The following SLC5A10 variants were observed in gnomAD, a reference collection of about 807,000 sequenced individuals.
SLC5A10 encodes the protein sodium/mannose cotransporter SLC5A10.
SLC5A10 carries 55 observed loss-of-function variants against 68.9 expected under a neutral mutation model. The observed-to-expected ratio is 0.80, with a 90% CI of 0.64 to 1.00. SLC5A10 has a LOEUF of 1.00. Among genes scored for constraint, SLC5A10 ranks in the 50% least tolerant of loss-of-function variants. SLC5A10 has a pLI of 0.00. For synonymous variants in SLC5A10, 344 were observed against 344.8 expected, an observed-to-expected ratio of 1.00 and a Z score of 0.02; for missense variants, 732 against 819.3, an observed-to-expected ratio of 0.89 and a Z score of 1.30.
At chr17:18,970,527 G>GACGC in intron 7 of SLC5A10, 1 of 173,188 alleles carries the variant, frequency 5.8e-6, no homozygotes, top group South Asian at 1.3e-4. Context: ...CCTCTTCTCT[G>GACGC]TGCCTCAGGG....
chr17:18,964,843 G>C (rs1409871635), intron 5 of SLC5A10, among the ~76,000 whole-genome samples: 2 of 152,174 alleles, frequency 1.3e-5, no homozygotes, highest in Non-Finnish European at 2.9e-5. Context: ...TTCCTGGAAT[G>C]GTAGAAATGC....
chr17:19,010,782 C>A (rs2043997181), intron 9 of SLC5A10, among the ~76,000 whole-genome samples: 1 of 152,184 alleles, frequency 6.6e-6, no homozygotes, highest in African/African-American at 2.4e-5. Flanking sequence ...ATCCTGGACC[C>A]CAGTGTCCTC....
intron 9 of SLC5A10, among the ~76,000 whole-genome samples, chr17:19,005,648 C>G (rs539842274): frequency 8.5e-5 from 11 of 129,134 alleles, no homozygotes; most frequent in African/African-American, 3.3e-4. Flanking sequence ...TGCCCTCAAA[C>G]CCCCCCCCTC....
In SLC5A10 at chr17:19,020,342, C is replaced by T; in HGVS notation, c.1702C>T (p.Gln568Ter). 1 of 1,614,192 alleles carries T rather than the reference C, an allele frequency of 6.2e-7. No individual in the cohort carries two copies. The highest frequency in any genetic ancestry group is 8.5e-7 in the Non-Finnish European group (1 of 1,180,036). The part of the protein sequence containing the change: ...GTKAGDGQTP[Q>*]KHAFWARVCG... Reference sequence around the variant, plus strand: ...CCCTCCAGGTGATGGCCAAACACCCCAGAAACACGCCTTCTGGGCCCGTGT... The same window carrying T: ...CCCTCCAGGTGATGGCCAAACACCCTAGAAACACGCCTTCTGGGCCCGTGT... Residue 568 changes from glutamine to a stop codon, truncating the protein, a stop_gained, in exon 15 of 15, where the codon CAG becomes TAG. Coordinates refer to ENST00000395645, the MANE Select transcript of SLC5A10 (RefSeq NM_001042450.4). LOFTEE classifies it high-confidence loss of function.
At chr17:19,005,796 T>C (rs1228717777) in intron 9 of SLC5A10, among the ~76,000 whole-genome samples, 1 of 152,180 alleles carries the variant, frequency 6.6e-6, no homozygotes, top group African/African-American at 2.4e-5. Flanking sequence ...TCCTACACTC[T>C]GCCATATAGC....
chr17:18,977,684 C>T, intron 9 of SLC5A10: 1 of 1,610,610 alleles, frequency 6.2e-7, no homozygotes, highest in Non-Finnish European at 8.5e-7. Context: ...ACCCTGGGGT[C>T]CAACAAAGGT....
chr17:19,018,795 AG>A lies in SLC5A10; in HGVS notation c.1242-626del, dbSNP rs1030163913. 2.0e-5 allele frequency: 3 copies of A among 152,328 alleles called. No individual in the cohort carries two copies. The highest frequency in any genetic ancestry group is 4.4e-5 in the Non-Finnish European group (3 of 68,124). The allele number at this position is 152,328 out of a possible 1,614,324, so 9.4% of individuals were successfully genotyped here. On this transcript the variant is annotated intron_variant, in intron 11 of 14. Transcript: ENST00000395645. The surrounding 1 kb of genome is among the most constrained non-coding windows in gnomAD (Gnocchi z 4.2). ...CCTTAGTAAGCAGGTTGCCCTGTGA[AG>A]GATGTGCAGCACAGGGCTGTCGGGG...
intron 9 of SLC5A10, among the ~76,000 whole-genome samples, chr17:18,991,615 C>T (rs1421722711): frequency 6.6e-6 from 1 of 152,218 alleles, no homozygotes; most frequent in African/African-American, 2.4e-5. Context: ...TTGTTCCGCT[C>T]CTGAGGCAGG....
intron 9 of SLC5A10, among the ~76,000 whole-genome samples, chr17:18,997,530 C>T (rs1248585988): frequency 6.6e-6 from 1 of 152,232 alleles, no homozygotes; most frequent in African/African-American, 2.4e-5. Flanking sequence ...GATTCAAAAG[C>T]CTTTAAAACC....
chr17:19,003,731 G>C lies in SLC5A10; in HGVS notation c.983-9679G>C, dbSNP rs1166072864. On this transcript the variant is annotated intron_variant, in intron 9 of 14. Transcript: ENST00000395645. The surrounding 1 kb of genome is among the most constrained non-coding windows in gnomAD (Gnocchi z 4.5). ...CTCGGCCTCGATGGGGACCCCATCCGCCCCGCTGGCTTCCTCGCCGTCGCC... is the reference window on the plus strand; with the variant it reads ...CTCGGCCTCGATGGGGACCCCATCCCCCCCGCTGGCTTCCTCGCCGTCGCC... 1 of 1,604,210 alleles carries C rather than the reference G, an allele frequency of 6.2e-7. No homozygotes were observed. Among genetic ancestry groups the C allele is most frequent in the Admixed American group, 1.7e-5 (1 of 59,080 alleles).
At chr17:18,976,795 A>G in intron 8 of SLC5A10, 59 bp from the exon 9 acceptor site, 1 of 1,596,976 alleles carries the variant, frequency 6.3e-7, no homozygotes, top group Non-Finnish European at 8.5e-7. Flanking sequence ...ACCAAGGACC[A>G]ATCCTGACAC....
intron 9 of SLC5A10, among the ~76,000 whole-genome samples, chr17:19,011,722 C>T (rs145855735): frequency 6.6e-5 from 10 of 151,612 alleles, no homozygotes; most frequent in East Asian, 2.0e-4. Context: ...ACCTGGCGTC[C>T]GGGAAGCCTG....
intron 13 of SLC5A10, 35 bp from the exon 14 acceptor site, chr17:19,020,115 ATCCCC>A: frequency 7.3e-6 from 2 of 272,734 alleles, no homozygotes; most frequent in Non-Finnish European, 1.3e-5. Context: ...CCACCCTGCC[ATCCCC>A]CACCCCCAAC....
intron 1 of SLC5A10, among the ~76,000 whole-genome samples, chr17:18,956,178 G>C (rs1187188606): frequency 6.6e-6 from 1 of 150,886 alleles, no homozygotes; most frequent in African/African-American, 2.4e-5. Context: ...TGGGCAACAA[G>C]AGCGAAACTC....
intron 9 of SLC5A10, chr17:18,977,476 A>G (rs1289483485): frequency 9.0e-7 from 1 of 1,114,718 alleles, no homozygotes; most frequent in Non-Finnish European, 1.3e-6. Flanking sequence ...AAGGGAATTG[A>G]AGTCATCAGA....
chr17:19,004,027 C>A lies in SLC5A10; in HGVS notation c.983-9383C>A. 6.3e-7 allele frequency: 1 copy of A among 1,597,648 alleles called. No homozygotes were observed. The highest frequency in any genetic ancestry group is 1.7e-5 in the Admixed American group (1 of 58,648). On this transcript the variant is annotated intron_variant, in intron 9 of 14. Coordinates refer to ENST00000395645, the MANE Select transcript of SLC5A10 (RefSeq NM_001042450.4). The surrounding 1 kb of genome is among the most constrained non-coding windows in gnomAD (Gnocchi z 5.4). Reference sequence around the variant, plus strand: ...CATGGTTGTCGTCCAGACACTGCACCTGAGAGAAGGCCATGGCGCCGCCTG... The same window carrying A: ...CATGGTTGTCGTCCAGACACTGCACATGAGAGAAGGCCATGGCGCCGCCTG...
intron 5 of SLC5A10, among the ~76,000 whole-genome samples, chr17:18,963,175 T>C (rs1223724971): frequency 1.3e-5 from 2 of 152,018 alleles, no homozygotes; most frequent in Non-Finnish European, 1.5e-5. Flanking sequence ...TCTCCAAAAA[T>C]AAAAAGAACA....
chr17:18,978,360 T>A, intron 9 of SLC5A10: 5 of 1,597,840 alleles, frequency 3.1e-6, no homozygotes, highest in Non-Finnish European at 4.3e-6. Context: ...GGGTTCCAGA[T>A]GTTGGGGTCG....
chr17:18,958,846 T>C (rs923538135), intron 2 of SLC5A10, 93 bp downstream of exon 2: 23 of 1,438,666 alleles, frequency 1.6e-5, no homozygotes, highest in Non-Finnish European at 2.2e-5. Context: ...TTTGAGCCAG[T>C]CCAATTCAGT....
Sources: gnomAD v4.1 joint callset for allele counts (sites outside exome capture counted in the v4.1 genomes callset) on GRCh38, gnomAD v4.1.1 for gene constraint, Gnocchi (gnomAD v3.1) non-coding constraint, MANE v1.5 for transcripts, NCBI Gene and HGNC (gene_info 2026-07-23, HGNC 2026-07-21) for gene names.